Variants in PTRH1 observed in about 807,000 individuals in gnomAD.
PTRH1 encodes the protein peptidyl-tRNA hydrolase.
A neutral mutation model predicts 15.7 loss-of-function variants in PTRH1; 13 were observed. The observed-to-expected ratio is 0.83, with a 90% CI of 0.54 to 1.31. PTRH1 has a LOEUF of 1.31. PTRH1 is among the 40% of genes most tolerant of loss of function. The pLI is 0.00. For synonymous variants in PTRH1, 139 were observed against 136.7 expected (o/e 1.02, Z -0.12); for missense variants, 319 against 296.2 (o/e 1.08, Z -0.56).
At chr9:127,703,777 G>A (rs1175747865) in intron 1 of PTRH1, among the ~76,000 whole-genome samples, 4 of 152,230 alleles carry the variant, frequency 2.6e-5, no homozygotes, top group Admixed American at 6.5e-5. Context: ...CGCCCCGCCT[G>A]GTGTGAAAAA....
intron 1 of PTRH1, chr9:127,696,134 T>A (rs189599736): frequency 2.0e-5 from 3 of 152,262 alleles, no homozygotes; most frequent in African/African-American, 7.2e-5. Context: ...GCCCAGGAGT[T>A]TGAGACCAGC....
At chr9:127,712,360 G>C (rs751860933), downstream of PTRH1, 71 of 1,613,238 alleles carry the variant, frequency 4.4e-5, no homozygotes, top group East Asian at 1.6e-3. Flanking sequence ...GTGAGCAGAA[G>C]GGAGAGAGGG....
downstream of PTRH1, chr9:127,711,974 G>A (rs766353053): frequency 6.3e-5 from 101 of 1,593,090 alleles, no homozygotes; most frequent in East Asian, 1.8e-4. Flanking sequence ...ACGGAGGGGC[G>A]GGCGGCGGGT....
intron 2 of PTRH1, 76 bp downstream of exon 2, chr9:127,714,899 G>C: frequency 9.5e-7 from 1 of 1,049,404 alleles, no homozygotes; most frequent in Non-Finnish European, 1.4e-6. Flanking sequence ...GTCACAGCCA[G>C]TGCTCCCCTC....
At chr9:127,703,489 GAGAGAA>G (rs979061373) in intron 1 of PTRH1, among the ~76,000 whole-genome samples, 5 of 152,104 alleles carry the variant, frequency 3.3e-5, no homozygotes, top group East Asian at 1.9e-4. Flanking sequence ...GAGGGAAAGA[GAGAGAA>G]AGAGAAAGAG....
At chr9:127,711,457 C>T (rs749618928), downstream of PTRH1, 2 of 1,613,962 alleles carry the variant, frequency 1.2e-6, no homozygotes, top group Non-Finnish European at 1.7e-6. Context: ...TGGAGAACAC[C>T]CAGAAGGTCA....
chr9:127,710,664 C>T, downstream of PTRH1: 1 of 1,585,696 alleles, frequency 6.3e-7, no homozygotes, highest in Non-Finnish European at 8.6e-7. Flanking sequence ...GACAAGTTCA[C>T]ATTGCTGGAG....
intron 1 of PTRH1, chr9:127,695,268 TTG>T: frequency 1.7e-6 from 1 of 597,550 alleles, no homozygotes; most frequent in East Asian, 2.8e-5. Context: ...TGACACACAG[TTG>T]CATATGTCAA....
At position 127,714,105 on chromosome 9, in the gene PTRH1, G is replaced by A. The variant is rs1588398226; in HGVS notation, c.640C>T (p.Pro214Ser). ...RERSQGPSLGP is the reference protein window; with the variant it reads ...RERSQGPSLGS ...GGCAGCCATGGCCACTAGTGTCACG[G>A]CCCCAGTGAGGGCCCCTGGCTTCGC... The change falls in exon 5 of 5, where the codon CCG becomes TCG. Residue 214 changes from proline to serine, a missense_variant. Physicochemically the swap from Pro to Ser is moderately conservative, Grantham distance 74. Coordinates refer to ENST00000543175, the MANE Select transcript of PTRH1 (RefSeq NM_001002913.3). 2 of 1,612,400 alleles carry A rather than the reference G, an allele frequency of 1.2e-6. No individual in the cohort carries two copies. Among genetic ancestry groups the A allele is most frequent in the Admixed American group, 3.3e-5 (2 of 59,798 alleles).
At chr9:127,704,257 C>A (rs908709120) in intron 1 of PTRH1, among the ~76,000 whole-genome samples, 1 of 152,126 alleles carries the variant, frequency 6.6e-6, no homozygotes, top group Non-Finnish European at 1.5e-5. Context: ...GTAATCCCAG[C>A]ACTCTGGGAG....
At chr9:127,712,742 G>A (rs767253698), downstream of PTRH1, 24 of 1,614,056 alleles carry the variant, frequency 1.5e-5, no homozygotes, top group East Asian at 8.9e-5. Context: ...TGACGTTGAC[G>A]TGACGTTCCA....
rs559735923 is a variant in PTRH1 at position 127,707,253 on chromosome 9, C to A, written c.205+8182G>T. 4.4e-5 allele frequency: 69 copies of A among 1,573,964 alleles called. No homozygotes were observed. In the African/African-American group the frequency reaches 8.0e-4, roughly 18 times the overall value. ...GGTCAGAAGCCCATGCCCAGGTGGCCCCCATGCAGGTTTGGCCATGGGGCC... is the reference window on the plus strand; with the variant it reads ...GGTCAGAAGCCCATGCCCAGGTGGCACCCATGCAGGTTTGGCCATGGGGCC... On this transcript the variant is annotated intron_variant, in intron 1 of 2. Transcript: ENST00000335223.
chr9:127,714,953 A>ACCCCCCCCCC, intron 2 of PTRH1, 22 bp downstream of exon 2: 1 of 136,776 alleles, frequency 7.3e-6, no homozygotes, highest in South Asian at 6.0e-5. Flanking sequence ...CCGCCCGCCC[A>ACCCCCCCCCC]CCCCTGGCGC....
At chr9:127,703,850 C>T (rs1465286099) in intron 1 of PTRH1, among the ~76,000 whole-genome samples, 4 of 152,216 alleles carry the variant, frequency 2.6e-5, no homozygotes, top group African/African-American at 7.2e-5. Context: ...CAACCTGCCA[C>T]ACCTGGAGAA....
At chr9:127,706,159 G>A (rs900339126) in intron 1 of PTRH1, among the ~76,000 whole-genome samples, 49 of 152,222 alleles carry the variant, frequency 3.2e-4, no homozygotes, top group Non-Finnish European at 5.9e-5. Flanking sequence ...GTCAGACAGA[G>A]CCCAAATGTG....
At position 127,705,083 on chromosome 9, in the gene PTRH1, C is replaced by T. The variant is rs1198545734; in HGVS notation, c.206-9942G>A. On this transcript the variant is annotated intron_variant, in intron 1 of 2. Transcript: ENST00000335223. The surrounding 1 kb of genome is among the most constrained non-coding windows in gnomAD (Gnocchi z 4.7). ...TTAATGATGCCTGGCCTCCCTGCTT[C>T]CCCAGGGCCTAGGTTTCTTCCCTCC... is the stretch of plus-strand genomic sequence containing the variant. 6.6e-6 allele frequency among the ~76,000 whole-genome samples: 1 copy of T among 152,108 alleles called. No homozygotes were observed. The highest frequency in any genetic ancestry group is 1.5e-5 in the Non-Finnish European group (1 of 68,012).
chr9:127,714,926 AC>A, intron 2 of PTRH1, 48 bp downstream of exon 2: 1 of 629,318 alleles, frequency 1.6e-6, no homozygotes, highest in Non-Finnish European at 2.5e-6. Context: ...CCGCGCCCCA[AC>A]CCCCACCCCC....
At chr9:127,714,925 A>AACCCCC (rs1564370281) in intron 2 of PTRH1, 50 bp downstream of exon 2, 1 of 313,266 alleles carries the variant, frequency 3.2e-6, no homozygotes, top group Non-Finnish European at 5.7e-6. Flanking sequence ...CCCGCGCCCC[A>AACCCCC]ACCCCCACCC....
chr9:127,700,574 C>A (rs761003331), intron 1 of PTRH1, among the ~76,000 whole-genome samples: 1 of 152,130 alleles, frequency 6.6e-6, no homozygotes, highest in Non-Finnish European at 1.5e-5. Flanking sequence ...AAACAACAAC[C>A]GACCAGCATT....
Sources: gnomAD v4.1 joint callset for allele counts (sites outside exome capture counted in the v4.1 genomes callset) on GRCh38, gnomAD v4.1.1 for gene constraint, Gnocchi (gnomAD v3.1) non-coding constraint, MANE v1.5 for transcripts, NCBI Gene and HGNC (gene_info 2026-07-23, HGNC 2026-07-21) for gene names.